The following DNAAF4 variants were observed in gnomAD, a reference collection of about 807,000 sequenced individuals.
The protein encoded by DNAAF4 is dynein axonemal assembly factor 4, also known as dynein assembly factor 4, axonemal.
DNAAF4 carries 43 observed loss-of-function variants against 51.8 expected under a neutral mutation model. The ratio of observed to expected loss-of-function variants is 0.83; its 90% CI spans 0.65 to 1.07. DNAAF4 has a LOEUF of 1.07. DNAAF4 is among the 50% of genes least tolerant of loss of function. The probability of loss-of-function intolerance (pLI) is 0.00; values close to 1 mark genes in which losing one functional copy is unlikely to be tolerated. For missense variants in DNAAF4, 581 were observed against 493.0 expected (o/e 1.18, Z -1.69); for synonymous variants, 194 against 165.6 (o/e 1.17, Z -1.32).
chr15:55,425,863 G>A (rs1359287249), downstream of DNAAF4, among the ~76,000 whole-genome samples: 1 of 152,172 alleles, frequency 6.6e-6, no homozygotes, highest in Admixed American at 6.6e-5. Context: ...TTGCGCTAGT[G>A]TAACTGCCCA....
intron 5 of DNAAF4, among the ~76,000 whole-genome samples, chr15:55,454,619 T>C (rs2057989820): frequency 6.6e-6 from 1 of 152,028 alleles, no homozygotes; most frequent in Non-Finnish European, 1.5e-5. Flanking sequence ...CTCAAGTAAT[T>C]CGCCCAACTC....
intron 7 of DNAAF4, among the ~76,000 whole-genome samples, chr15:55,425,108 G>A (rs779034333): frequency 2.0e-5 from 3 of 150,870 alleles, no homozygotes; most frequent in African/African-American, 7.3e-5. Flanking sequence ...CAGTTGATCC[G>A]CCCACCTCGG....
chr15:55,458,830 T>G (rs777767646), intron 5 of DNAAF4, among the ~76,000 whole-genome samples: 54 of 151,934 alleles, frequency 3.6e-4, no homozygotes, highest in Non-Finnish European at 6.0e-4. Context: ...TCTCAGCACT[T>G]TGGGAGGCCA....
At chr15:55,446,988 C>T (rs542516172) in intron 6 of DNAAF4, among the ~76,000 whole-genome samples, 28 of 125,088 alleles carry the variant, frequency 2.2e-4, no homozygotes, top group East Asian at 1.9e-3. Flanking sequence ...ACTTCCCAGA[C>T]GGGGCAGCTG....
chr15:55,429,159 T>C (rs571102224), downstream of DNAAF4, among the ~76,000 whole-genome samples: 1 of 150,218 alleles, frequency 6.7e-6, no homozygotes, highest in South Asian at 2.1e-4. Context: ...GAGACGGAGG[T>C]TGCAGTGAGC....
chr15:55,438,096 TGCAGTG>T (rs774116270), intron 7 of DNAAF4, among the ~76,000 whole-genome samples: 9 of 152,216 alleles, frequency 5.9e-5, no homozygotes, highest in East Asian at 3.9e-4. Context: ...CACGGCCGGG[TGCAGTG>T]GCTCACACCC....
chr15:55,482,448 G>GGATCACCTC (rs2058424864), intron 4 of DNAAF4, among the ~76,000 whole-genome samples: 1 of 152,076 alleles, frequency 6.6e-6, no homozygotes, highest in Non-Finnish European at 1.5e-5. Flanking sequence ...AGGCCGAGGT[G>GGATCACCTC]GGTGGATCAC....
intron 4 of DNAAF4, among the ~76,000 whole-genome samples, chr15:55,478,849 G>A (rs185100779): frequency 6.6e-6 from 1 of 152,114 alleles, no homozygotes; most frequent in African/African-American, 2.4e-5. Context: ...TAAAATTCCA[G>A]GCACCACTTT....
At chr15:55,432,348 T>C in intron 9 of DNAAF4, 149 bp downstream of exon 9, 2 of 513,738 alleles carry the variant, frequency 3.9e-6, no homozygotes, top group Non-Finnish European at 6.8e-6. Flanking sequence ...TCATGTATTG[T>C]CAGATATACT....
chr15:55,423,663 C>G (rs1238055966), intron 7 of DNAAF4, among the ~76,000 whole-genome samples: 1 of 152,134 alleles, frequency 6.6e-6, no homozygotes, highest in Non-Finnish European at 1.5e-5. Flanking sequence ...ACTAAAAAAG[C>G]TAAAGTAAAG....
chr15:55,436,207 TTC>T (rs985814322), intron 7 of DNAAF4, among the ~76,000 whole-genome samples: 1 of 152,176 alleles, frequency 6.6e-6, no homozygotes, highest in African/African-American at 2.4e-5. Flanking sequence ...ACTTGTTATT[TTC>T]TGTTTTTTTT....
intron 4 of DNAAF4, among the ~76,000 whole-genome samples, chr15:55,468,516 C>T (rs920320032): frequency 6.6e-6 from 1 of 152,120 alleles, no homozygotes; most frequent in Non-Finnish European, 1.5e-5. Flanking sequence ...GGCAATGAAA[C>T]AAAATTTAAA....
downstream of DNAAF4, among the ~76,000 whole-genome samples, chr15:55,427,624 C>T (rs1254833489): frequency 1.3e-5 from 2 of 151,774 alleles, no homozygotes; most frequent in Non-Finnish European, 2.9e-5. Flanking sequence ...ATTTTGTAGC[C>T]TCCAGCAGTA....
chr15:55,452,720 C>T (rs1377915524), intron 5 of DNAAF4, among the ~76,000 whole-genome samples: 3 of 152,092 alleles, frequency 2.0e-5, no homozygotes, highest in African/African-American at 4.8e-5. Context: ...AGTTCAGTTT[C>T]AAAAGTAAGT....
intron 1 of DNAAF4, among the ~76,000 whole-genome samples, chr15:55,501,670 G>A (rs532249338): frequency 2.4e-3 from 358 of 150,690 alleles, no homozygotes; most frequent in Admixed American, 3.6e-3. Context: ...CCACCACGCC[G>A]GGCCAGGATT....
chr15:55,493,010 T>G (rs1284974426), intron 3 of DNAAF4, among the ~76,000 whole-genome samples: 1 of 152,192 alleles, frequency 6.6e-6, no homozygotes, highest in Non-Finnish European at 1.5e-5. Flanking sequence ...CCTAAAACTC[T>G]TATGTTAAAA....
intron 6 of DNAAF4, among the ~76,000 whole-genome samples, chr15:55,441,956 T>C (rs757312836): frequency 1.3e-5 from 2 of 152,232 alleles, no homozygotes; most frequent in Non-Finnish European, 2.9e-5. Flanking sequence ...TACTAACTTA[T>C]AATGTATATG....
chr15:55,470,103 G>C (rs1234459582), intron 4 of DNAAF4, among the ~76,000 whole-genome samples: 1 of 151,486 alleles, frequency 6.6e-6, no homozygotes, highest in Non-Finnish European at 1.5e-5. Context: ...CCAGGCTGGA[G>C]TGCAGTGGCA....
chr15:55,441,748 C>A (rs1294323380), intron 6 of DNAAF4, among the ~76,000 whole-genome samples: 1 of 152,096 alleles, frequency 6.6e-6, no homozygotes, highest in Non-Finnish European at 1.5e-5. Context: ...TGAACTCATC[C>A]TTTTTTATGG....
Sources: allele counts gnomAD v4.1 joint callset (sites outside exome capture counted in the v4.1 genomes callset), GRCh38; gene constraint gnomAD v4.1.1; transcripts MANE v1.5; gene names NCBI Gene and HGNC (gene_info 2026-07-23, HGNC 2026-07-21).